Variants in DNAH9 observed in about 807,000 individuals in gnomAD.
The protein encoded by DNAH9 is dynein axonemal heavy chain 9.
DNAH9 carries 345 observed loss-of-function variants against 471.6 expected under a neutral mutation model. That is an observed-to-expected ratio of 0.73 (90% CI 0.67 to 0.80). DNAH9 has a LOEUF of 0.80. Among genes scored for constraint, DNAH9 ranks in the 30% least tolerant of loss-of-function variants. DNAH9 has a pLI of 0.00. For synonymous variants in DNAH9, 2,093 were observed against 2,123.6 expected, an observed-to-expected ratio of 0.99 and a Z score of 0.40; for missense variants, 5,407 against 5,609.2, an observed-to-expected ratio of 0.96 and a Z score of 1.15.
intron 66 of DNAH9, among the ~76,000 whole-genome samples, chr17:11,940,064 G>C (rs995012344): frequency 6.6e-6 from 1 of 152,228 alleles, no homozygotes; most frequent in African/African-American, 2.4e-5. Context: ...ACTATAGGAG[G>C]ACTTTGCTTC....
intron 67 of DNAH9, among the ~76,000 whole-genome samples, chr17:11,955,835 A>G (rs188894989): frequency 6.6e-4 from 100 of 152,320 alleles, no homozygotes; most frequent in African/African-American, 2.3e-3. Context: ...GCACCCAAGG[A>G]TTTTATTAGG....
chr17:11,796,274 C>T (rs1969235110), intron 42 of DNAH9, among the ~76,000 whole-genome samples: 1 of 152,250 alleles, frequency 6.6e-6, no homozygotes, highest in Non-Finnish European at 1.5e-5. Context: ...ATTACATCCT[C>T]CATCCTCATG....
chr17:11,612,320 C>A, intron 4 of DNAH9: 1 of 204,180 alleles, frequency 4.9e-6, no homozygotes, highest in Non-Finnish European at 1.0e-5. Flanking sequence ...CCCTCATTAA[C>A]TAAGTGCTTG....
intron 49 of DNAH9, among the ~76,000 whole-genome samples, chr17:11,845,510 G>T (rs1971190178): frequency 6.6e-6 from 1 of 150,570 alleles, no homozygotes; most frequent in African/African-American, 2.5e-5. Flanking sequence ...TAGTCCTTTG[G>T]CTATATACCC....
chr17:11,654,412 A>G (rs72810856), intron 14 of DNAH9, among the ~76,000 whole-genome samples: 507 of 150,536 alleles, frequency 3.4e-3, no homozygotes, highest in Non-Finnish European at 6.1e-3. Flanking sequence ...TCTATCGTCT[A>G]TGTATCTATC....
rs747818360 is a variant in DNAH9 at position 11,689,840 on chromosome 17, G to T, written c.4018G>T (p.Ala1340Ser). Residue 1340 changes from alanine to serine, a missense_variant, in exon 20 of 69, where the codon GCC (alanine) becomes TCC (serine). Physicochemically the swap from Ala to Ser is moderately conservative, Grantham distance 99. Around this residue, in one of 3 missense-constraint regions of DNAH9, gnomAD observed 4,636 missense variants for 4,900.3 expected, o/e 0.95. Coordinates refer to ENST00000262442, the MANE Select transcript of DNAH9 (RefSeq NM_001372.4). ...EAMELECKQF[A>S]RHIRNLDKEV... Reference sequence around the variant, plus strand: ...CATGGAGTTGGAGTGCAAACAGTTTGCCCGGCATATCCGAAACCTGGACAA... The same window carrying T: ...CATGGAGTTGGAGTGCAAACAGTTTTCCCGGCATATCCGAAACCTGGACAA... 6.2e-7 allele frequency: 1 copy of T among 1,612,854 alleles called. No individual in the cohort carries two copies. The highest frequency in any genetic ancestry group is 8.5e-7 in the Non-Finnish European group (1 of 1,179,388).
At chr17:11,942,078 G>A (rs1974937155) in intron 66 of DNAH9, among the ~76,000 whole-genome samples, 1 of 152,164 alleles carries the variant, frequency 6.6e-6, no homozygotes, top group African/African-American at 2.4e-5. Flanking sequence ...AGGCATGCAA[G>A]TCCCAGGAAC....
At chr17:11,748,323 T>C (rs1966985749) in intron 32 of DNAH9, among the ~76,000 whole-genome samples, 1 of 152,036 alleles carries the variant, frequency 6.6e-6, no homozygotes, top group Non-Finnish European at 1.5e-5. Context: ...CAAGACTCCA[T>C]CTCAAATAAA....
chr17:11,930,224 G>A (rs1160718979), intron 63 of DNAH9, 131 bp downstream of exon 63: 2 of 789,632 alleles, frequency 2.5e-6, no homozygotes, highest in Non-Finnish European at 4.1e-6. Flanking sequence ...GCTGATGTGG[G>A]TAAAATGTTC....
intron 43 of DNAH9, among the ~76,000 whole-genome samples, chr17:11,806,756 T>C (rs947711535): frequency 6.6e-6 from 1 of 152,178 alleles, no homozygotes; most frequent in South Asian, 2.1e-4. Context: ...TATTGCTAAA[T>C]AGTAGAACTG....
rs562833787 is a variant in DNAH9 at position 11,816,259 on chromosome 17, AG to A, written c.8708-5660del. Among the ~76,000 whole-genome samples, 21 of 152,362 alleles carry A rather than the reference AG, an allele frequency of 1.4e-4. No homozygotes were observed. The South Asian group carries it at 4.3e-3, about 32-fold the overall frequency. ...TGAACAATCCAGAAATACAAAAAAAAGAAGGATTAAATGGCTACTTCTCAGT... is the reference window on the plus strand; with the variant it reads ...TGAACAATCCAGAAATACAAAAAAAAAAGGATTAAATGGCTACTTCTCAGT... On this transcript the variant is annotated intron_variant, in intron 45 of 68. Transcript: ENST00000262442.
At position 11,834,721 on chromosome 17, in the gene DNAH9, C is replaced by T. The variant is rs532161159; in HGVS notation, c.9330C>T (p.Val3110=). Residue 3110 remains valine, a synonymous_variant, in exon 49 of 69, where the codon GTC becomes GTT. Coordinates refer to ENST00000262442, the MANE Select transcript of DNAH9 (RefSeq NM_001372.4). Reference sequence around the variant, plus strand: ...AAGATGCAGACAAACTGATTCAGGTCGTGGGTGTGGAGACTGACAAAGTGA... The same window carrying T: ...AAGATGCAGACAAACTGATTCAGGTTGTGGGTGTGGAGACTGACAAAGTGA... ...KNEDADKLIQ[V]VGVETDKVSR... 2.6e-4 allele frequency: 415 copies of T among 1,613,962 alleles called. 3 individuals are homozygous for T. The South Asian group carries it at 4.0e-3, about 15-fold the overall frequency.
chr17:11,807,990 G>A, intron 44 of DNAH9, 96 bp downstream of exon 44: 1 of 1,367,868 alleles, frequency 7.3e-7, no homozygotes, highest in Non-Finnish European at 9.9e-7. Flanking sequence ...CCCCTGTCTG[G>A]AGCCTCCCCT....
At chr17:11,622,725 G>A (rs1452346438) in intron 6 of DNAH9, among the ~76,000 whole-genome samples, 12 of 152,138 alleles carry the variant, frequency 7.9e-5, no homozygotes, top group African/African-American at 2.4e-5. Context: ...AGCAGTGATG[G>A]CCACCAGCCT....
At chr17:11,840,631 A>T (rs1294710463) in intron 49 of DNAH9, among the ~76,000 whole-genome samples, 1 of 152,198 alleles carries the variant, frequency 6.6e-6, no homozygotes, top group Non-Finnish European at 1.5e-5. Context: ...GTGACTTTGC[A>T]GATATCATTA....
chr17:11,962,723 G>A lies in DNAH9; in HGVS notation c.13233+467G>A, dbSNP rs995799724. Among the ~76,000 whole-genome samples, 4 of 152,144 alleles carry A rather than the reference G, an allele frequency of 2.6e-5. No individual in the cohort carries two copies. Among genetic ancestry groups the A allele is most frequent in the African/African-American group, 7.2e-5 (3 of 41,428 alleles). On this transcript the variant is annotated intron_variant, in intron 68 of 68. Transcript: ENST00000262442. The surrounding 1 kb of genome is among the most constrained non-coding windows in gnomAD (Gnocchi z 4.1). ...CTGTCGCCCAGGCTGGAGTACAGTG[G>A]CACGATCTTAGCTCACTGCAACCTC...
intron 53 of DNAH9, 124 bp downstream of exon 53, chr17:11,875,308 C>T (rs1349984594): frequency 1.6e-5 from 12 of 733,098 alleles, no homozygotes; most frequent in Admixed American, 2.8e-5. Context: ...AGGCTTCTCA[C>T]GTTTCTCCGT....
chr17:11,956,524 C>T (rs1975648299), intron 67 of DNAH9, among the ~76,000 whole-genome samples: 2 of 152,072 alleles, frequency 1.3e-5, no homozygotes, highest in South Asian at 2.1e-4. Context: ...TGTCAGAATA[C>T]ACATACTTTT....
chr17:11,668,948 A>T, intron 15 of DNAH9, 116 bp from the exon 16 acceptor site: 1 of 728,358 alleles, frequency 1.4e-6, no homozygotes, highest in Non-Finnish European at 2.3e-6. Context: ...CCGTTTCCCT[A>T]CAGTCTAGCA....
Sources: gnomAD v4.1 joint callset for allele counts (sites outside exome capture counted in the v4.1 genomes callset) on GRCh38, gnomAD v4.1.1 for gene constraint, gnomAD v4.1.1 regional missense constraint, Gnocchi (gnomAD v3.1) non-coding constraint, MANE v1.5 for transcripts, NCBI Gene and HGNC (gene_info 2026-07-23, HGNC 2026-07-21) for gene names.